The following PFKFB3 variants were observed in gnomAD, a reference collection of about 807,000 sequenced individuals.
PFKFB3 encodes the protein 6-phosphofructo-2-kinase/fructose-2,6-biphosphatase 3, also known as 6-phosphofructo-2-kinase/fructose-2,6-bisphosphatase 3.
A neutral mutation model predicts 68.0 loss-of-function variants in PFKFB3; 33 were observed. The ratio of observed to expected loss-of-function variants is 0.49; its 90% CI spans 0.37 to 0.65. The LOEUF (loss-of-function observed/expected upper bound fraction) is 0.65. Ranked by LOEUF, PFKFB3 falls within the 30% of genes least tolerant of loss-of-function variation. The pLI, the probability that PFKFB3 is intolerant of heterozygous loss-of-function variation, is 0.00. For missense variants in PFKFB3, 586 were observed against 712.2 expected (o/e 0.82, Z 2.02); for synonymous variants, 315 against 288.2 (o/e 1.09, Z -0.94).
At chr10:6,193,114 G>A (rs1490390398) in intron 1 of PFKFB3, among the ~76,000 whole-genome samples, 2 of 152,188 alleles carry the variant, frequency 1.3e-5, no homozygotes, top group African/African-American at 4.8e-5. Context: ...ACTTTGAAAG[G>A]CAGGAGATTT....
chr10:6,204,507 C>T (rs114163980), intron 1 of PFKFB3, among the ~76,000 whole-genome samples: 6,261 of 152,302 alleles, frequency 0.041, 162 homozygotes, highest in East Asian at 0.13. Context: ...CAGACCTGCC[C>T]CTCTCCCCAC....
At chr10:6,162,883 T>C (rs1842008637) in intron 1 of PFKFB3, among the ~76,000 whole-genome samples, 1 of 152,172 alleles carries the variant, frequency 6.6e-6, no homozygotes, top group African/African-American at 2.4e-5. Context: ...GAAGGCTGGA[T>C]CTGGGCTTTT....
At chr10:6,205,917 C>A (rs1843654460) in intron 1 of PFKFB3, among the ~76,000 whole-genome samples, 1 of 151,984 alleles carries the variant, frequency 6.6e-6, no homozygotes, top group African/African-American at 2.4e-5. Flanking sequence ...CCCGCCTCAG[C>A]CTGTCCAGTA....
chr10:6,219,677 C>T lies in PFKFB3; in HGVS notation c.607C>T (p.Pro203Ser), dbSNP rs1844819339. 1 of 1,613,846 alleles carries T rather than the reference C, an allele frequency of 6.2e-7. No homozygotes were observed. The highest frequency in any genetic ancestry group is 8.5e-7 in the Non-Finnish European group (1 of 1,179,838). The change falls in exon 7 of 15, where the codon CCC becomes TCC. Residue 203 changes from proline (P) to serine (S), a missense_variant. Coordinates refer to ENST00000379775, the MANE Select transcript of PFKFB3 (RefSeq NM_004566.4). ...CYEASYQPLD[P>S]DKCDRDLSLI... is the part of the protein sequence containing the mutation. ...TGAAGCCAGCTACCAGCCCCTCGACCCCGACAAATGCGACAGGTGATTCCC... is the reference window on the plus strand; with the variant it reads ...TGAAGCCAGCTACCAGCCCCTCGACTCCGACAAATGCGACAGGTGATTCCC...
upstream of PFKFB3, among the ~76,000 whole-genome samples, chr10:6,200,581 G>A (rs1209184671): frequency 1.3e-5 from 2 of 149,030 alleles, no homozygotes; most frequent in Non-Finnish European, 3.0e-5. Flanking sequence ...AGTTCTAGCT[G>A]GCCATTAAAA....
chr10:6,313,449 G>A, the PFKFB3 span, among the ~76,000 whole-genome samples: 1 of 152,146 alleles, frequency 6.6e-6, no homozygotes, highest in Admixed American at 6.6e-5. The surrounding 1 kb of genome is among the most constrained non-coding windows in gnomAD (Gnocchi z 4.2). Flanking sequence ...AGTGTGACCG[G>A]TTGTCTCCTG....
At chr10:6,289,605 T>A in the PFKFB3 span, among the ~76,000 whole-genome samples, 25 of 150,798 alleles carry the variant, frequency 1.7e-4, no homozygotes, top group African/African-American at 6.0e-4. Context: ...TTGGTTACTG[T>A]AGCCTTGTAG....
chr10:6,225,044 A>G (rs1588526252), intron 13 of PFKFB3: 1 of 448,480 alleles, frequency 2.2e-6, no homozygotes, highest in African/African-American at 2.0e-5. Context: ...GCTGCTGTCT[A>G]CCTTGGGGGG....
the PFKFB3 span, among the ~76,000 whole-genome samples, chr10:6,324,969 A>G: frequency 6.6e-6 from 1 of 151,744 alleles, no homozygotes; most frequent in South Asian, 2.1e-4. Context: ...TTGGCATATA[A>G]TTTTTTTAAA....
At chr10:6,184,377 C>T (rs1207398907) in intron 1 of PFKFB3, among the ~76,000 whole-genome samples, 5 of 152,052 alleles carry the variant, frequency 3.3e-5, no homozygotes, top group South Asian at 4.2e-4. Flanking sequence ...AAACATTGCA[C>T]CCCCAAAAGC....
the PFKFB3 span, among the ~76,000 whole-genome samples, chr10:6,315,549 T>C: frequency 1.8e-4 from 27 of 152,210 alleles, no homozygotes; most frequent in Admixed American, 3.9e-4. Flanking sequence ...AATGGTGCGA[T>C]CTAGGCTCAC....
upstream of PFKFB3, among the ~76,000 whole-genome samples, chr10:6,200,683 TGG>T (rs1843317291): frequency 1.0e-4 from 1 of 9,660 alleles, no homozygotes; most frequent in Non-Finnish European, 2.5e-4. Flanking sequence ...GGGCGGGGGG[TGG>T]TGGTGGGGCG....
At chr10:6,326,402 T>C in the PFKFB3 span, 10 of 382,740 alleles carry the variant, frequency 2.6e-5, no homozygotes, top group Non-Finnish European at 5.2e-5. Context: ...CGTTTACCTA[T>C]GTAGCAAACC....
intron 1 of PFKFB3, among the ~76,000 whole-genome samples, chr10:6,164,755 G>A (rs1251154511): frequency 6.6e-6 from 1 of 152,182 alleles, no homozygotes; most frequent in Non-Finnish European, 1.5e-5. Flanking sequence ...TCATGAATAA[G>A]TTCAAGGAAA....
intron 1 of PFKFB3, among the ~76,000 whole-genome samples, chr10:6,193,167 A>T (rs1233637950): frequency 6.6e-6 from 1 of 152,206 alleles, no homozygotes; most frequent in South Asian, 2.1e-4. Flanking sequence ...CAGCATAATG[A>T]GACCCCCTGT....
At chr10:6,249,203 A>G (rs1846325107) in intron 14 of PFKFB3, among the ~76,000 whole-genome samples, 1 of 138,656 alleles carries the variant, frequency 7.2e-6, no homozygotes, top group Non-Finnish European at 1.5e-5. Flanking sequence ...AAAAAAAAAA[A>G]GAAAAGAAAA....
chr10:6,251,327 T>TA (rs1378131469), intron 14 of PFKFB3, among the ~76,000 whole-genome samples: 1 of 152,242 alleles, frequency 6.6e-6, no homozygotes, highest in East Asian at 1.9e-4. Flanking sequence ...CTCCAGGGAA[T>TA]GGTGCCCGTC....
chr10:6,263,796 G>A, the PFKFB3 span, among the ~76,000 whole-genome samples: 2 of 152,118 alleles, frequency 1.3e-5, no homozygotes, highest in African/African-American at 2.4e-5. Flanking sequence ...AACGATTCTC[G>A]TGCCTTGGCC....
Position 6,215,221 on chromosome 10 carries a change from T to A in PFKFB3, c.203T>A (p.Val68Glu). 1 of 1,613,300 alleles carries A rather than the reference T, an allele frequency of 6.2e-7. No homozygotes were observed. The highest frequency in any genetic ancestry group is 8.5e-7 in the Non-Finnish European group (1 of 1,179,350). ...YLNWIGVPTK[V>E]FNVGEYRREA... Reference sequence around the variant, plus strand: ...AGACTGTTCTCTTTCCCGTCCACAGTGTTCAACGTCGGGGAGTATCGCCGG... The same window carrying A: ...AGACTGTTCTCTTTCCCGTCCACAGAGTTCAACGTCGGGGAGTATCGCCGG... Residue 68 changes from valine to glutamate, a missense_variant and splice_region_variant, in exon 3 of 15, where the codon GTG (valine) becomes GAG (glutamate). Physicochemically the swap from Val to Glu is moderately radical, Grantham distance 121. Coordinates refer to ENST00000379775, the MANE Select transcript of PFKFB3 (RefSeq NM_004566.4). This position sits in a 1 kb window ranked among gnomAD's most constrained non-coding sequence, Gnocchi z 4.3.
Sources: allele counts gnomAD v4.1 joint callset (sites outside exome capture counted in the v4.1 genomes callset), GRCh38; gene constraint gnomAD v4.1.1; non-coding constraint Gnocchi (gnomAD v3.1); transcripts MANE v1.5; gene names NCBI Gene and HGNC (gene_info 2026-07-23, HGNC 2026-07-21).